Variants in RPS6KA6 observed in about 807,000 individuals in gnomAD.
RPS6KA6 encodes ribosomal protein S6 kinase alpha-6.
RPS6KA6 carries 27 observed loss-of-function variants against 65.4 expected under a neutral mutation model. The ratio of observed to expected loss-of-function variants is 0.41; its 90% CI spans 0.30 to 0.57. RPS6KA6 has a LOEUF of 0.57. Among genes scored for constraint, RPS6KA6 ranks in the 20% least tolerant of loss-of-function variants. The pLI, the probability that RPS6KA6 is intolerant of heterozygous loss-of-function variation, is 0.24. For missense variants in RPS6KA6, 486 were observed against 555.6 expected, an observed-to-expected ratio of 0.87 and a Z score of 1.26; for synonymous variants, 190 against 184.2, an observed-to-expected ratio of 1.03 and a Z score of -0.26.
chrX:84,069,169 C>T (rs1450479366), intron 20 of RPS6KA6, among the ~76,000 whole-genome samples: 1 of 111,962 alleles, frequency 8.9e-6, no homozygotes, highest in East Asian at 2.8e-4. Flanking sequence ...AACTATACTA[C>T]AAGGCTACAG....
chrX:84,178,147 A>C (rs2035797326), intron 1 of RPS6KA6, among the ~76,000 whole-genome samples: 1 of 112,126 alleles, frequency 8.9e-6, no homozygotes, highest in African/African-American at 3.2e-5. Context: ...GATGGTTACC[A>C]AAGCTCCAAC....
intron 1 of RPS6KA6, among the ~76,000 whole-genome samples, chrX:84,175,030 G>A (rs1002255368): frequency 9.0e-6 from 1 of 111,600 alleles, no homozygotes; most frequent in African/African-American, 3.3e-5. Context: ...ATTTCATGAC[G>A]AAGTTACAGT....
intron 1 of RPS6KA6, among the ~76,000 whole-genome samples, chrX:84,167,669 T>C (rs1400924855): frequency 9.0e-6 from 1 of 111,432 alleles, no homozygotes; most frequent in Non-Finnish European, 1.9e-5. Context: ...AGGATTCCAT[T>C]TATATGTTAT....
chrX:84,095,062 T>A (rs1337833117), intron 20 of RPS6KA6, among the ~76,000 whole-genome samples: 1 of 111,829 alleles, frequency 8.9e-6, no homozygotes, highest in African/African-American at 3.2e-5. Flanking sequence ...TCCATTCAAG[T>A]GTTCCTTCTA....
chrX:84,098,747 T>C (rs1489702817), intron 18 of RPS6KA6, among the ~76,000 whole-genome samples: 1 of 111,357 alleles, frequency 9.0e-6, no homozygotes, highest in Non-Finnish European at 1.9e-5. Flanking sequence ...GTAAAGAGTA[T>C]ATAACAAACT....
chrX:84,138,589 T>A (rs1158342095), intron 6 of RPS6KA6, among the ~76,000 whole-genome samples: 3 of 112,352 alleles, frequency 2.7e-5, no homozygotes, highest in African/African-American at 9.7e-5. Context: ...TCTTTGCATT[T>A]GTTTACTTTT....
chrX:84,153,244 T>C (rs565845291), intron 3 of RPS6KA6, among the ~76,000 whole-genome samples: 4 of 111,939 alleles, frequency 3.6e-5, no homozygotes, highest in South Asian at 3.7e-4. Flanking sequence ...GTCTTTACTA[T>C]CACAAAAGCA....
At chrX:84,072,404 C>T (rs1024723074) in intron 20 of RPS6KA6, among the ~76,000 whole-genome samples, 1 of 111,604 alleles carries the variant, frequency 9.0e-6, no homozygotes, top group African/African-American at 3.2e-5. Context: ...AAACATACCT[C>T]AACTTAATAA....
intron 9 of RPS6KA6, 147 bp from the exon 10 acceptor site, chrX:84,117,601 G>A (rs1258587544): frequency 6.1e-6 from 2 of 325,872 alleles, no homozygotes; most frequent in South Asian, 2.5e-4. Flanking sequence ...AGAAAACTAG[G>A]TCACTTAAAG....
intron 20 of RPS6KA6, among the ~76,000 whole-genome samples, chrX:84,067,211 C>A (rs2033424460): frequency 1.8e-5 from 2 of 111,634 alleles, no homozygotes; most frequent in Admixed American, 1.9e-4. Flanking sequence ...AAATAGAATG[C>A]CTATTTTCCC....
intron 6 of RPS6KA6, among the ~76,000 whole-genome samples, chrX:84,140,754 C>CATATATATATATATATATAT (rs2035084323): frequency 1.8e-5 from 1 of 56,367 alleles, no homozygotes; most frequent in Admixed American, 2.2e-4. Flanking sequence ...AAAAAAAAAA[C>CATATATATATATATATATAT]ATACATATAT....
chrX:84,112,753 A>G (rs1351279282), intron 12 of RPS6KA6, among the ~76,000 whole-genome samples: 8 of 112,145 alleles, frequency 7.1e-5, no homozygotes, highest in Admixed American at 5.7e-4. Flanking sequence ...GTCAAACTAC[A>G]CGAAAGTAGA....
intron 1 of RPS6KA6, among the ~76,000 whole-genome samples, chrX:84,183,686 T>A (rs2035889764): frequency 9.0e-6 from 1 of 111,237 alleles, no homozygotes; most frequent in African/African-American, 3.3e-5. Flanking sequence ...TTTTCTTATA[T>A]TGTGCCCATC....
intron 1 of RPS6KA6, among the ~76,000 whole-genome samples, chrX:84,170,330 T>A (rs914628770): frequency 3.6e-5 from 4 of 110,627 alleles, no homozygotes; most frequent in Non-Finnish European, 7.6e-5. Flanking sequence ...GGTCCACATC[T>A]ACCTAAAATA....
chrX:84,120,136 TAC>T, intron 8 of RPS6KA6, 109 bp from the exon 9 acceptor site: 1 of 502,934 alleles, frequency 2.0e-6, no homozygotes, highest in Non-Finnish European at 3.0e-6. Flanking sequence ...ATGGATGGCC[TAC>T]AGTTACTCTT....
At position 84,103,733 on chromosome X, in the gene RPS6KA6, TA is replaced by T. The variant is rs1177566387; in HGVS notation, c.1614+765del. Among the ~76,000 whole-genome samples, 28 of 111,012 alleles carry T rather than the reference TA, an allele frequency of 2.5e-4. No individual in the cohort carries two copies. The South Asian group carries it at 5.6e-3, about 22-fold the overall frequency. ...AATTAAATTATAAAAAGCTACTGTT[TA>T]GCATTATATATTAAAAAATACTGAA... On this transcript the variant is annotated intron_variant, in intron 17 of 21. Coordinates refer to ENST00000262752, the MANE Select transcript of RPS6KA6 (RefSeq NM_014496.5).
intron 8 of RPS6KA6, among the ~76,000 whole-genome samples, chrX:84,122,361 G>GTTTTTTTTTT (rs35459607): frequency 2.3e-5 from 1 of 43,009 alleles, no homozygotes; most frequent in African/African-American, 8.5e-5. Context: ...TTTTTTTTAA[G>GTTTTTTTTTT]TTTTTTTTTT....
intron 14 of RPS6KA6, 70 bp from the exon 15 acceptor site, chrX:84,106,557 A>C (rs1278270728): frequency 2.6e-5 from 19 of 737,900 alleles, no homozygotes; most frequent in Non-Finnish European, 3.5e-5. Flanking sequence ...TTTTGTCCTA[A>C]ATATACATTC....
chrX:84,117,143 T>C lies in RPS6KA6; in HGVS notation c.866A>G (p.Lys289Arg). The stretch of plus-strand genomic sequence containing the variant: ...ACTAAGAAATTGAGGCATTCCAAGT[T>C]TTGCTCTGAAACAGAGGATTTTAGA... Reference protein sequence around the residue: ...NETMNMILKAKLGMPQFLSAE... With the variant: ...NETMNMILKARLGMPQFLSAE... Residue 289 changes from lysine (K) to arginine (R), a missense_variant, in exon 11 of 22, where the codon AAA (lysine) becomes AGA (arginine). Coordinates refer to ENST00000262752, the MANE Select transcript of RPS6KA6 (RefSeq NM_014496.5). 1 of 1,177,005 alleles carries C rather than the reference T, an allele frequency of 8.5e-7. No homozygotes were observed. The highest frequency in any genetic ancestry group is 1.1e-6 in the Non-Finnish European group (1 of 872,150).
Sources: allele counts gnomAD v4.1 joint callset (sites outside exome capture counted in the v4.1 genomes callset), GRCh38; gene constraint gnomAD v4.1.1; transcripts MANE v1.5; gene names NCBI Gene and HGNC (gene_info 2026-07-23, HGNC 2026-07-21).